Variants in TBC1D22A observed in about 807,000 individuals in gnomAD.
TBC1D22A encodes TBC1 domain family member 22A, also known as putative GTPase activator.
TBC1D22A carries 38 observed loss-of-function variants against 60.2 expected under a neutral mutation model. The observed-to-expected ratio is 0.63, with a 90% CI of 0.49 to 0.83. The LOEUF (loss-of-function observed/expected upper bound fraction) is 0.83. Ranked by LOEUF, TBC1D22A falls within the 40% of genes least tolerant of loss-of-function variation. The probability of loss-of-function intolerance (pLI) is 0.00; values close to 1 mark genes in which losing one functional copy is unlikely to be tolerated. For synonymous variants in TBC1D22A, 302 were observed against 281.7 expected (o/e 1.07, Z -0.72); for missense variants, 628 against 701.0 (o/e 0.90, Z 1.18).
intron 8 of TBC1D22A, among the ~76,000 whole-genome samples, chr22:46,945,825 A>G (rs1478130403): frequency 1.3e-5 from 2 of 152,218 alleles, no homozygotes; most frequent in African/African-American, 4.8e-5. Flanking sequence ...CAAAGAAGGA[A>G]ATAACTCATC....
intron 8 of TBC1D22A, among the ~76,000 whole-genome samples, chr22:46,943,014 C>G (rs1406935769): frequency 3.3e-5 from 5 of 152,124 alleles, no homozygotes; most frequent in Admixed American, 6.6e-5. Context: ...CTTCTGGGAC[C>G]AAACGGGAAA....
chr22:46,879,509 T>G (rs912398081), intron 5 of TBC1D22A, among the ~76,000 whole-genome samples: 3 of 152,262 alleles, frequency 2.0e-5, no homozygotes, highest in African/African-American at 7.2e-5. Flanking sequence ...TAAGACTCTT[T>G]CTGGCTAATG....
intron 9 of TBC1D22A, among the ~76,000 whole-genome samples, chr22:46,985,240 C>G (rs1236068323): frequency 1.3e-5 from 2 of 152,110 alleles, no homozygotes; most frequent in Non-Finnish European, 2.9e-5. Flanking sequence ...CTGGACGGGG[C>G]AGTGGAGCGC....
chr22:46,944,667 G>A (rs928297327), intron 8 of TBC1D22A, among the ~76,000 whole-genome samples: 11 of 151,932 alleles, frequency 7.2e-5, no homozygotes, highest in Middle Eastern at 3.2e-3. Flanking sequence ...CAAAGTGCTG[G>A]GATTATAGGC....
At chr22:46,823,161 A>G (rs898642339) in intron 4 of TBC1D22A, among the ~76,000 whole-genome samples, 1 of 152,142 alleles carries the variant, frequency 6.6e-6, no homozygotes, top group Non-Finnish European at 1.5e-5. Flanking sequence ...AGGCCGAATG[A>G]GGTATAAGGT....
chr22:46,797,390 C>G (rs560442308), intron 3 of TBC1D22A, 54 bp from the exon 4 acceptor site: 17 of 1,590,634 alleles, frequency 1.1e-5, no homozygotes, highest in Non-Finnish European at 1.4e-5. Context: ...CAAGGAGGAA[C>G]GTGTAGTCGG....
At chr22:47,085,768 G>GA (rs1274220237) in intron 11 of TBC1D22A, among the ~76,000 whole-genome samples, 1 of 151,554 alleles carries the variant, frequency 6.6e-6, no homozygotes, top group Admixed American at 6.6e-5. Context: ...TTATCAAGTA[G>GA]AAAAAAAAGG....
intron 11 of TBC1D22A, among the ~76,000 whole-genome samples, chr22:47,065,617 G>A (rs2063730891): frequency 1.3e-5 from 2 of 152,284 alleles, no homozygotes; most frequent in Admixed American, 6.5e-5. Context: ...GTCTCCACGA[G>A]GACTTAGCAG....
chr22:47,136,980 G>A (rs531222580), intron 12 of TBC1D22A, among the ~76,000 whole-genome samples: 2 of 152,318 alleles, frequency 1.3e-5, no homozygotes, highest in South Asian at 4.1e-4. Context: ...TGCAGGTGGC[G>A]AGTGTGAGCA....
intron 11 of TBC1D22A, among the ~76,000 whole-genome samples, chr22:47,107,673 T>C (rs2065688133): frequency 6.6e-6 from 1 of 152,216 alleles, no homozygotes; most frequent in Admixed American, 6.5e-5. Flanking sequence ...CCAGCAAGCT[T>C]TTCTGTAAAA....
chr22:47,015,745 G>A (rs1455376751), intron 10 of TBC1D22A, among the ~76,000 whole-genome samples: 6 of 152,232 alleles, frequency 3.9e-5, no homozygotes, highest in African/African-American at 7.2e-5. Flanking sequence ...CAGCCGCCTC[G>A]TGGTGGTCTC....
chr22:47,021,754 G>A (rs184900771), intron 10 of TBC1D22A, among the ~76,000 whole-genome samples: 2 of 152,390 alleles, frequency 1.3e-5, no homozygotes, highest in African/African-American at 4.8e-5. Flanking sequence ...TGGTTACAGA[G>A]CAACAGAAAA....
intron 7 of TBC1D22A, among the ~76,000 whole-genome samples, chr22:46,896,941 G>C (rs1275054475): frequency 6.6e-6 from 1 of 152,122 alleles, no homozygotes. Context: ...GGTCAGAAAA[G>C]ACAGTTTTTA....
chr22:46,820,599 T>G (rs2085785430), intron 4 of TBC1D22A, among the ~76,000 whole-genome samples: 1 of 151,958 alleles, frequency 6.6e-6, no homozygotes, highest in Non-Finnish European at 1.5e-5. Flanking sequence ...TCTGAGAGAC[T>G]GCTATGATTT....
rs116499669 is a variant in TBC1D22A, at chr22:47,095,338, G to A, written c.1330-16170G>A. ...ATCTCGTGAGGCCAGAAGGCCATTT[G>A]TTTTTATTTCGTGCCAAAAATTATA... On this transcript the variant is annotated intron_variant, in intron 11 of 12. Coordinates refer to ENST00000337137, the MANE Select transcript of TBC1D22A (RefSeq NM_014346.5). Among the ~76,000 whole-genome samples, 1,116 of 152,314 alleles carry A rather than the reference G, an allele frequency of 7.3e-3. 13 individuals are homozygous for A. The highest frequency in any genetic ancestry group is 0.026 in the African/African-American group (1,066 of 41,572).
intron 11 of TBC1D22A, among the ~76,000 whole-genome samples, chr22:47,099,517 C>T (rs1488597679): frequency 2.6e-5 from 4 of 151,636 alleles, no homozygotes; most frequent in African/African-American, 9.7e-5. Context: ...GCGATCTCAG[C>T]TCACTGCAGC....
chr22:46,823,801 G>A (rs893346413), intron 4 of TBC1D22A, among the ~76,000 whole-genome samples: 3 of 152,214 alleles, frequency 2.0e-5, no homozygotes, highest in Non-Finnish European at 2.9e-5. Context: ...AGCCTGCTGC[G>A]TGCCACATGC....
chr22:46,840,508 G>A (rs2086704618), intron 4 of TBC1D22A, among the ~76,000 whole-genome samples: 3 of 152,220 alleles, frequency 2.0e-5, no homozygotes, highest in Admixed American at 2.0e-4. Flanking sequence ...CCTGAGGCAG[G>A]TGGATCACGA....
chr22:47,164,801 C>T (rs1156519054), intron 12 of TBC1D22A, among the ~76,000 whole-genome samples: 1 of 152,224 alleles, frequency 6.6e-6, no homozygotes, highest in East Asian at 1.9e-4. Flanking sequence ...GGTCCCATTC[C>T]TTCCTCTGCA....
Sources: allele counts gnomAD v4.1 joint callset (sites outside exome capture counted in the v4.1 genomes callset), GRCh38; gene constraint gnomAD v4.1.1; transcripts MANE v1.5; gene names NCBI Gene and HGNC (gene_info 2026-07-23, HGNC 2026-07-21).